The following NRXN3 variants were observed in gnomAD, a reference collection of about 807,000 sequenced individuals.
The protein encoded by NRXN3 is neurexin III.
In NRXN3, 32 loss-of-function variants were observed where a neutral mutation model predicts 137.6. The observed-to-expected ratio is 0.23, with a 90% CI of 0.18 to 0.31. NRXN3 has a LOEUF of 0.31. NRXN3 is among the 10% of genes least tolerant of loss of function. NRXN3 has a pLI of 1.00. For missense variants in NRXN3, 1,574 were observed against 2,062.5 expected, an observed-to-expected ratio of 0.76 and a Z score of 4.59; for synonymous variants, 798 against 784.5, an observed-to-expected ratio of 1.02 and a Z score of -0.29.
At chr14:79,756,713 G>T (rs754385471) in intron 19 of NRXN3, among the ~76,000 whole-genome samples, 34 of 152,212 alleles carry the variant, frequency 2.2e-4, no homozygotes, top group Non-Finnish European at 2.6e-4. Flanking sequence ...CAGTCAAAGT[G>T]CTCCCAATAA....
chr14:78,763,949 A>G (rs1156799407), intron 8 of NRXN3, among the ~76,000 whole-genome samples: 1 of 152,226 alleles, frequency 6.6e-6, no homozygotes, highest in Non-Finnish European at 1.5e-5. Context: ...AAGACACCCT[A>G]GGACATTTCT....
At chr14:79,092,167 G>A (rs748073228) in intron 15 of NRXN3, among the ~76,000 whole-genome samples, 2 of 152,148 alleles carry the variant, frequency 1.3e-5, no homozygotes, top group Non-Finnish European at 2.9e-5. Flanking sequence ...ATGGCCACCA[G>A]TTCTAATATG....
intron 4 of NRXN3, among the ~76,000 whole-genome samples, chr14:78,486,845 G>A (rs2095567915): frequency 6.6e-6 from 1 of 152,126 alleles, no homozygotes; most frequent in Non-Finnish European, 1.5e-5. Flanking sequence ...GTAGGTGGGG[G>A]TATTGATTAT....
At chr14:79,669,110 T>G (rs2098590588) in intron 17 of NRXN3, 1 of 152,112 alleles carries the variant, frequency 6.6e-6, no homozygotes, top group Non-Finnish European at 1.5e-5. Flanking sequence ...CTTGCCAGAT[T>G]TGAAGCATGC....
intron 17 of NRXN3, among the ~76,000 whole-genome samples, chr14:79,685,875 C>T (rs1294159422): frequency 1.3e-5 from 2 of 152,098 alleles, no homozygotes; most frequent in African/African-American, 4.8e-5. Flanking sequence ...ATGCACAAAA[C>T]ATGTATGTTC....
chr14:79,227,832 T>TCCTC (rs527517106), intron 15 of NRXN3, among the ~76,000 whole-genome samples: 1 of 95,374 alleles, frequency 1.0e-5, no homozygotes, highest in Non-Finnish European at 2.2e-5. Flanking sequence ...CTTCCTCCCT[T>TCCTC]CCTCCCTCCC....
chr14:78,332,756 A>T, intron 4 of NRXN3, among the ~76,000 whole-genome samples: 2 of 151,986 alleles, frequency 1.3e-5, no homozygotes, highest in Non-Finnish European at 2.9e-5. Flanking sequence ...AATTATTGTG[A>T]CTTAAAGGAA....
intron 10 of NRXN3, among the ~76,000 whole-genome samples, chr14:78,850,810 C>T (rs2099040497): frequency 6.6e-6 from 1 of 151,916 alleles, no homozygotes; most frequent in African/African-American, 2.4e-5. Context: ...AAAAAGAAAG[C>T]CATGCATTAA....
intron 15 of NRXN3, among the ~76,000 whole-genome samples, chr14:79,183,190 T>G (rs1330727375): frequency 3.3e-5 from 5 of 152,232 alleles, no homozygotes; most frequent in Non-Finnish European, 7.3e-5. Context: ...TATATTTGAT[T>G]CATTTAATTT....
intron 19 of NRXN3, among the ~76,000 whole-genome samples, chr14:79,768,898 C>T (rs1256589553): frequency 6.6e-6 from 1 of 151,260 alleles, no homozygotes; most frequent in African/African-American, 2.4e-5. Context: ...GAATGTATAA[C>T]TAGAATAACC....
At chr14:78,297,186 G>A (rs746235078) in intron 3 of NRXN3, among the ~76,000 whole-genome samples, 2 of 152,122 alleles carry the variant, frequency 1.3e-5, no homozygotes, top group Admixed American at 1.3e-4. Flanking sequence ...GGAAGAAGTG[G>A]TATTGTTGTC....
At position 79,126,196 on chromosome 14, in the gene NRXN3, T is replaced by G. The variant is rs536553373; in HGVS notation, c.3262+138055T>G. Reference sequence around the variant, plus strand: ...TTTTTAAATTTATTATTATTATACTTTAAGTTTTAGGGTACATGTGCACAA... The same window carrying G: ...TTTTTAAATTTATTATTATTATACTGTAAGTTTTAGGGTACATGTGCACAA... On this transcript the variant is annotated intron_variant, in intron 15 of 20. Transcript: ENST00000335750. Among the ~76,000 whole-genome samples the G allele has an allele frequency of 3.6e-3, 542 of 152,222 alleles. 1 individual carries two copies. Among genetic ancestry groups the G allele is most frequent in the African/African-American group, 0.012 (518 of 41,514 alleles).
chr14:79,017,813 G>A (rs1271813952), intron 15 of NRXN3, among the ~76,000 whole-genome samples: 1 of 152,070 alleles, frequency 6.6e-6, no homozygotes, highest in African/African-American at 2.4e-5. Context: ...GGCCTTTCGT[G>A]TCAGAATCTA....
At chr14:79,495,388 A>T (rs983728201) in intron 16 of NRXN3, among the ~76,000 whole-genome samples, 3 of 152,158 alleles carry the variant, frequency 2.0e-5, no homozygotes, top group African/African-American at 7.2e-5. Context: ...GAACAGGGAG[A>T]TGCAGCAGCT....
chr14:79,223,936 T>C (rs2070317605), intron 15 of NRXN3, among the ~76,000 whole-genome samples: 1 of 151,562 alleles, frequency 6.6e-6, no homozygotes, highest in African/African-American at 2.4e-5. Context: ...ATATGTTCTA[T>C]GTATGACGGG....
chr14:78,598,259 C>T (rs1465819559), intron 4 of NRXN3, among the ~76,000 whole-genome samples: 1 of 152,204 alleles, frequency 6.6e-6, no homozygotes, highest in Non-Finnish European at 1.5e-5. Context: ...CCAGCACCCC[C>T]TCAGACTTGG....
At chr14:78,558,648 T>C (rs1021223055) in intron 4 of NRXN3, among the ~76,000 whole-genome samples, 7 of 152,238 alleles carry the variant, frequency 4.6e-5, no homozygotes, top group African/African-American at 1.7e-4. Context: ...TCTCATATAA[T>C]GCCTCTGAAT....
chr14:79,295,967 C>A (rs1291220379), intron 15 of NRXN3, among the ~76,000 whole-genome samples: 1 of 152,166 alleles, frequency 6.6e-6, no homozygotes, highest in Non-Finnish European at 1.5e-5. Context: ...CAGGCACTGT[C>A]CAGGGTGTCA....
intron 14 of NRXN3, among the ~76,000 whole-genome samples, chr14:78,980,958 C>T (rs2099487841): frequency 6.6e-6 from 1 of 152,080 alleles, no homozygotes; most frequent in African/African-American, 2.4e-5. Context: ...ACAGGAACTT[C>T]CTAAGGCCTT....
Sources: gnomAD v4.1 joint callset for allele counts (sites outside exome capture counted in the v4.1 genomes callset) on GRCh38, gnomAD v4.1.1 for gene constraint, MANE v1.5 for transcripts, NCBI Gene and HGNC (gene_info 2026-07-23, HGNC 2026-07-21) for gene names.